Variants in RSU1 observed in about 807,000 individuals in gnomAD.
The protein encoded by RSU1 is rsu-1.
A neutral mutation model predicts 31.1 loss-of-function variants in RSU1; 26 were observed. That is an observed-to-expected ratio of 0.84 (90% CI 0.61 to 1.16). The LOEUF (loss-of-function observed/expected upper bound fraction) is 1.16, where lower values mean the gene tolerates loss of function less well. Among genes scored for constraint, RSU1 ranks in the 50% most tolerant of loss-of-function variants. The pLI is 0.00. For missense variants in RSU1, 320 were observed against 339.1 expected, an observed-to-expected ratio of 0.94 and a Z score of 0.44; for synonymous variants, 164 against 136.3, an observed-to-expected ratio of 1.20 and a Z score of -1.41.
intron 8 of RSU1, among the ~76,000 whole-genome samples, chr10:16,693,912 A>G (rs1203988291): frequency 1.3e-5 from 2 of 152,204 alleles, no homozygotes; most frequent in African/African-American, 4.8e-5. Flanking sequence ...AGTTGATGTC[A>G]GACACAAAAA....
At position 16,752,558 on chromosome 10, in the gene RSU1, G is replaced by A. The variant is rs756486350; in HGVS notation, c.579C>T (p.Thr193=). The change falls in exon 7 of 9, where the codon ACC becomes ACT. Residue 193 remains threonine, a synonymous_variant. Transcript: ENST00000345264. ...KELHIQGNRL[T]VLPPELGNLD... ...CCTTACCTAGTTCTGGGGGCAGAAC[G>A]GTGAGGCGGTTCCCCTGAATGTGGA... is the stretch of plus-strand genomic sequence containing the variant. The A allele has an allele frequency of 1.2e-5, 19 of 1,613,732 alleles. No homozygotes were observed. Among genetic ancestry groups the A allele is most frequent in the Middle Eastern group, 3.3e-4 (2 of 6,084 alleles).
Position 16,593,147 on chromosome 10 carries a change from T to C in RSU1, c.*247A>G. 3.8e-6 allele frequency: 2 copies of C among 532,916 alleles called. No individual in the cohort carries two copies. Among genetic ancestry groups the C allele is most frequent in the South Asian group, 8.8e-5 (2 of 22,746 alleles). 33.0% of individuals were successfully genotyped at this position (532,916 alleles called of 1,614,324 possible). On this transcript the variant is annotated 3_prime_UTR_variant, in exon 9 of 9. Coordinates refer to ENST00000345264, the MANE Select transcript of RSU1 (RefSeq NM_012425.4). Reference sequence around the variant, plus strand: ...GCCCACTATGGAATTCGCAGTTGAATAAGAGCTTTGTTCCCTGCTTTTGGT... The same window carrying C: ...GCCCACTATGGAATTCGCAGTTGAACAAGAGCTTTGTTCCCTGCTTTTGGT...
At chr10:16,804,678 T>A (rs1170328594) in intron 2 of RSU1, among the ~76,000 whole-genome samples, 1 of 152,168 alleles carries the variant, frequency 6.6e-6, no homozygotes, top group Non-Finnish European at 1.5e-5. Flanking sequence ...CATGGCGGAA[T>A]CTTAAATGCA....
intron 8 of RSU1, among the ~76,000 whole-genome samples, chr10:16,675,780 C>T (rs1436567162): frequency 6.6e-6 from 1 of 152,228 alleles, no homozygotes; most frequent in Non-Finnish European, 1.5e-5. Context: ...TGCTTTGTCA[C>T]TCAAATAGCT....
chr10:16,688,659 A>G (rs1258758291), intron 8 of RSU1, among the ~76,000 whole-genome samples: 1 of 152,188 alleles, frequency 6.6e-6, no homozygotes, highest in Non-Finnish European at 1.5e-5. Context: ...GAAAATATAT[A>G]TCACCAGGAA....
At chr10:16,611,034 C>T (rs1833883566) in intron 8 of RSU1, among the ~76,000 whole-genome samples, 1 of 152,152 alleles carries the variant, frequency 6.6e-6, no homozygotes, top group Non-Finnish European at 1.5e-5. Flanking sequence ...CCTTCTCTTC[C>T]CCCAAAGCAC....
intron 3 of RSU1, among the ~76,000 whole-genome samples, chr10:16,771,031 C>A (rs941108378): frequency 1.3e-5 from 2 of 149,250 alleles, no homozygotes; most frequent in African/African-American, 4.9e-5. Context: ...GGCAGATGTT[C>A]ACAATGTCAT....
intron 8 of RSU1, among the ~76,000 whole-genome samples, chr10:16,647,190 C>T (rs1330333557): frequency 8.1e-6 from 1 of 123,942 alleles, no homozygotes; most frequent in African/African-American, 3.0e-5. Context: ...GCCAGGATAG[C>T]CTCAATCTCC....
intron 8 of RSU1, among the ~76,000 whole-genome samples, chr10:16,614,405 T>C (rs562981464): frequency 6.6e-6 from 1 of 150,908 alleles, no homozygotes; most frequent in South Asian, 2.1e-4. Context: ...CAATGGTTAA[T>C]GGTTAAAAAA....
intron 8 of RSU1, among the ~76,000 whole-genome samples, chr10:16,610,734 T>G (rs551879749): frequency 2.6e-5 from 4 of 152,236 alleles, no homozygotes; most frequent in African/African-American, 9.6e-5. Context: ...TAAGGCACAC[T>G]ATAATGTAAA....
In RSU1 at chr10:16,712,858, C is replaced by G. The variant is rs192748034; in HGVS notation, c.599-17703G>C. 6.2e-4 allele frequency among the ~76,000 whole-genome samples: 94 copies of G among 152,250 alleles called. 2 individuals are homozygous for G. The highest frequency in any genetic ancestry group is 2.3e-3 in the African/African-American group (94 of 41,540). ...CTTTCTTTTCCAGTGGTAGCACTCC[C>G]TTAAGCATTCCTTATAAGGCCAACC... is the stretch of plus-strand genomic sequence containing the variant. On this transcript the variant is annotated intron_variant, in intron 7 of 8. Transcript: ENST00000345264.
At chr10:16,793,900 G>A (rs951308248) in intron 2 of RSU1, among the ~76,000 whole-genome samples, 12 of 151,550 alleles carry the variant, frequency 7.9e-5, no homozygotes, top group Non-Finnish European at 1.8e-4. Context: ...GGTCTGTGAG[G>A]GTGTTTCCAG....
intron 2 of RSU1, among the ~76,000 whole-genome samples, chr10:16,800,559 G>A (rs1230229805): frequency 6.6e-6 from 1 of 152,176 alleles, no homozygotes; most frequent in Non-Finnish European, 1.5e-5. Flanking sequence ...AGAAGAGTAG[G>A]AGAAAAGTAA....
At chr10:16,753,800 G>A (rs1179868939) in intron 5 of RSU1, among the ~76,000 whole-genome samples, 2 of 151,938 alleles carry the variant, frequency 1.3e-5, no homozygotes, top group Non-Finnish European at 2.9e-5. Context: ...ACAGAGTCTC[G>A]CTCTGTCACC....
chr10:16,744,893 C>T (rs545773470), intron 7 of RSU1, among the ~76,000 whole-genome samples: 10 of 152,160 alleles, frequency 6.6e-5, no homozygotes, highest in African/African-American at 2.4e-4. Flanking sequence ...TCTTTTCCCT[C>T]GCTTTTCTCT....
chr10:16,600,725 C>T (rs1833703507), intron 8 of RSU1, among the ~76,000 whole-genome samples: 1 of 151,966 alleles, frequency 6.6e-6, no homozygotes. Flanking sequence ...CCATGCCCAG[C>T]TTATTTTAAA....
At chr10:16,746,918 A>G (rs1429158202) in intron 7 of RSU1, among the ~76,000 whole-genome samples, 2 of 152,154 alleles carry the variant, frequency 1.3e-5, no homozygotes, top group African/African-American at 4.8e-5. Flanking sequence ...GCATTCAGGC[A>G]GGCTCCGGAG....
chr10:16,704,000 T>A (rs970841461), intron 7 of RSU1, among the ~76,000 whole-genome samples: 6 of 152,194 alleles, frequency 3.9e-5, no homozygotes, highest in Non-Finnish European at 7.4e-5. Context: ...GCCCTAGTGT[T>A]TGCATTTCTA....
chr10:16,795,494 A>C (rs1838012251), intron 2 of RSU1, among the ~76,000 whole-genome samples: 1 of 152,186 alleles, frequency 6.6e-6, no homozygotes, highest in Admixed American at 6.5e-5. Context: ...TAACCCTACA[A>C]GGCAATAGTA....
Sources: gnomAD v4.1 joint callset for allele counts (sites outside exome capture counted in the v4.1 genomes callset) on GRCh38, gnomAD v4.1.1 for gene constraint, MANE v1.5 for transcripts, NCBI Gene and HGNC (gene_info 2026-07-23, HGNC 2026-07-21) for gene names.